UBAC1: variants seen among roughly 807,000 people sequenced by gnomAD.
UBAC1 encodes ubiquitin-associated domain-containing protein 1.
UBAC1 carries 27 observed loss-of-function variants against 45.9 expected under a neutral mutation model. The ratio of observed to expected loss-of-function variants is 0.59; its 90% confidence interval spans 0.43 to 0.81. The LOEUF (loss-of-function observed/expected upper bound fraction) is 0.81, where lower values mean the gene tolerates loss of function less well. Ranked by LOEUF, UBAC1 falls within the 30% of genes least tolerant of loss-of-function variation. The probability of loss-of-function intolerance (pLI) is 0.00; values close to 1 mark genes in which losing one functional copy is unlikely to be tolerated. For synonymous variants in UBAC1, 227 were observed against 215.5 expected, an observed-to-expected ratio of 1.05 and a Z score of -0.47; for missense variants, 529 against 539.2, an observed-to-expected ratio of 0.98 and a Z score of 0.19.
rs185384914 is a variant in UBAC1 at position 135,957,389 on chromosome 9, T to G, written c.139-1974A>C. 1.2e-4 allele frequency among the ~76,000 whole-genome samples: 18 copies of G among 152,318 alleles called. No homozygotes were observed. In the East Asian group the frequency reaches 2.7e-3, roughly 23 times the overall value. ...TTTGCAGGCTAGTTCATTTGTCAAG[T>G]TCAGAATACAGACTACGAAATGCAG... On this transcript the variant is annotated intron_variant, in intron 1 of 9. Coordinates refer to ENST00000371756, the MANE Select transcript of UBAC1 (RefSeq NM_016172.3).
intron 9 of UBAC1, among the ~76,000 whole-genome samples, chr9:135,933,923 GA>G (rs1388334960): frequency 4.6e-5 from 7 of 152,030 alleles, no homozygotes; most frequent in African/African-American, 1.7e-4. Context: ...CAACAAACTG[GA>G]AAAACGTAAT....
At chr9:135,934,819 T>TA (rs1422050628) in intron 9 of UBAC1, among the ~76,000 whole-genome samples, 8 of 152,116 alleles carry the variant, frequency 5.3e-5, no homozygotes, top group Admixed American at 1.3e-4. Flanking sequence ...AACAAAAAGA[T>TA]AAAGAGTTAA....
intron 1 of UBAC1, 44 bp downstream of exon 1, chr9:135,960,981 G>A (rs774875410): frequency 8.3e-5 from 122 of 1,462,692 alleles, no homozygotes; most frequent in Non-Finnish European, 1.0e-4. Context: ...AGTCGGAGGG[G>A]TCCGGAGCGG....
At chr9:135,944,999 T>C (rs1255705883) in intron 7 of UBAC1, 29 bp downstream of exon 7, 1 of 1,592,636 alleles carries the variant, frequency 6.3e-7, no homozygotes, top group Non-Finnish European at 8.6e-7. Flanking sequence ...ACAGCGACTC[T>C]GCCTGGCGAC....
chr9:135,945,167 G>A lies in UBAC1; in HGVS notation c.737C>T (p.Pro246Leu), dbSNP rs779655739. ...TGCTGTGGCCCCCTCGGCCTCTGGG[G>A]GAGCTTGGCCAGGAAGAGGCGTGTC... ...TIDTPLPGQAPPEAEGATAAA... is the reference protein window; with the variant it reads ...TIDTPLPGQALPEAEGATAAA... Residue 246 changes from proline to leucine, a missense_variant, in exon 7 of 10, where the codon CCC (proline) becomes CTC (leucine). By Grantham distance (98) the Pro-to-Leu change is moderately conservative. Transcript: ENST00000371756. 1.2e-6 allele frequency: 2 copies of A among 1,613,438 alleles called. No individual in the cohort carries two copies. Among genetic ancestry groups the A allele is most frequent in the East Asian group, 4.5e-5 (2 of 44,882 alleles).
At chr9:135,948,266 C>T (rs547630865) in intron 3 of UBAC1, among the ~76,000 whole-genome samples, 90 of 152,368 alleles carry the variant, frequency 5.9e-4, no homozygotes, top group African/African-American at 2.0e-3. Flanking sequence ...ACCACGAACT[C>T]ATCTCTGCTC....
chr9:135,951,580 A>T (rs1021861746), intron 3 of UBAC1, among the ~76,000 whole-genome samples: 2 of 152,148 alleles, frequency 1.3e-5, no homozygotes, highest in Non-Finnish European at 2.9e-5. Context: ...AGGCCGAGGC[A>T]GGTGGATCAC....
At chr9:135,946,869 T>C (rs963268476) in intron 4 of UBAC1, among the ~76,000 whole-genome samples, 8 of 152,220 alleles carry the variant, frequency 5.3e-5, no homozygotes, top group Non-Finnish European at 7.4e-5. Context: ...CTACAGGGCC[T>C]AGAGGTCAGG....
chr9:135,956,376 G>A (rs1464948682), intron 1 of UBAC1, among the ~76,000 whole-genome samples: 3 of 152,176 alleles, frequency 2.0e-5, no homozygotes, highest in African/African-American at 7.2e-5. Flanking sequence ...CATGCACGTG[G>A]CACTGGCTTG....
intron 1 of UBAC1, among the ~76,000 whole-genome samples, chr9:135,959,372 G>GTTTT (rs34292104): frequency 5.0e-5 from 5 of 99,848 alleles, no homozygotes; most frequent in African/African-American, 1.9e-4. Flanking sequence ...TTTTTGTCTG[G>GTTTT]TTTTTTTTTT....
intron 9 of UBAC1, among the ~76,000 whole-genome samples, chr9:135,937,997 C>T (rs1210896638): frequency 3.3e-5 from 5 of 152,168 alleles, no homozygotes; most frequent in Non-Finnish European, 5.9e-5. Flanking sequence ...AGGGTCATCG[C>T]GCAGGAGACA....
chr9:135,954,452 A>G (rs1365786743), intron 2 of UBAC1, among the ~76,000 whole-genome samples: 5 of 152,186 alleles, frequency 3.3e-5, no homozygotes. Context: ...TCAAAAGAGC[A>G]TGGGTTCCTT....
At chr9:135,946,392 A>T in intron 4 of UBAC1, 21 bp from the exon 5 acceptor site, 1 of 1,498,880 alleles carries the variant, frequency 6.7e-7, no homozygotes, top group Non-Finnish European at 9.3e-7. Flanking sequence ...AAAAAAGGAG[A>T]TCAATTCTCT....
rs1273189453 is a variant in UBAC1 at position 135,961,094 on chromosome 9, G to C, written c.69C>G (p.Gly23=). The part of the protein sequence containing the change: ...VLRLHICASD[G]AEWLEEATED... ...CGGTGGCCTCCTCCAGCCACTCGGCGCCGTCGGACGCGCAGATGTGCAGCC... is the reference window on the plus strand; with the variant it reads ...CGGTGGCCTCCTCCAGCCACTCGGCCCCGTCGGACGCGCAGATGTGCAGCC... The change falls in exon 1 of 10, where the codon GGC becomes GGG. Residue 23 remains glycine (G), a synonymous_variant. Transcript: ENST00000371756. 1.3e-6 allele frequency: 2 copies of C among 1,586,816 alleles called. No homozygotes were observed. The highest frequency in any genetic ancestry group is 1.4e-5 in the African/African-American group (1 of 72,368).
chr9:135,960,184 C>G (rs188922476), intron 1 of UBAC1, among the ~76,000 whole-genome samples: 94 of 152,328 alleles, frequency 6.2e-4, no homozygotes, highest in African/African-American at 2.2e-3. Context: ...GCCCTCAGAT[C>G]ATGTCAGGTA....
rs377384644 is a variant in UBAC1, at chr9:135,961,104, G to A, written c.59C>T (p.Ala20Val). 5.0e-6 allele frequency: 8 copies of A among 1,590,508 alleles called. No individual in the cohort carries two copies. Among genetic ancestry groups the A allele is most frequent in the Non-Finnish European group, 6.8e-6 (8 of 1,173,332 alleles). Residue 20 changes from alanine (A) to valine (V), a missense_variant, in exon 1 of 10, where the codon GCG becomes GTG. Transcript: ENST00000371756. ...CTCCAGCCACTCGGCGCCGTCGGAC[G>A]CGCAGATGTGCAGCCGCAGCACCTT... ...AGKVLRLHIC[A>V]SDGAEWLEEA...
chr9:135,949,979 T>C (rs1362663371), intron 3 of UBAC1, among the ~76,000 whole-genome samples: 2 of 152,182 alleles, frequency 1.3e-5, no homozygotes, highest in African/African-American at 2.4e-5. Flanking sequence ...CGGGTAGGAA[T>C]GCAGGCCGCG....
At chr9:135,953,170 G>A (rs1839427507) in intron 3 of UBAC1, among the ~76,000 whole-genome samples, 1 of 152,200 alleles carries the variant, frequency 6.6e-6, no homozygotes, top group Non-Finnish European at 1.5e-5. Context: ...CCCGTGAGCA[G>A]GGAGGGACCA....
rs771284285 is a variant in UBAC1, at chr9:135,933,534, C to T, written c.1103-19G>A. On this transcript the variant is annotated intron_variant, in intron 9 of 9. Transcript: ENST00000371756. ...TCAAATGCTGCAGGGAAAACAGAGC[C>T]AGCCTGAGTGCCCACGCCCCCACTC... is the stretch of plus-strand genomic sequence containing the variant. 24 of 1,593,606 alleles carry T rather than the reference C, an allele frequency of 1.5e-5. No individual in the cohort carries two copies. Among genetic ancestry groups the T allele is most frequent in the African/African-American group, 2.7e-5 (2 of 74,462 alleles).
Sources: allele counts gnomAD v4.1 joint callset (sites outside exome capture counted in the v4.1 genomes callset), GRCh38; gene constraint gnomAD v4.1.1; transcripts MANE v1.5; gene names NCBI Gene and HGNC (gene_info 2026-07-23, HGNC 2026-07-21).